CEP104: variants seen among roughly 807,000 people sequenced by gnomAD.
CEP104 encodes the protein centrosomal protein 104.
In CEP104, 84 loss-of-function variants were observed where a neutral mutation model predicts 113.3. The ratio of observed to expected loss-of-function variants is 0.74; its 90% confidence interval spans 0.62 to 0.89. The LOEUF is 0.89. Ranked by LOEUF, CEP104 falls within the 40% of genes least tolerant of loss-of-function variation. The pLI is 0.00. For synonymous variants in CEP104, 378 were observed against 421.7 expected (o/e 0.90, Z 1.27); for missense variants, 1,053 against 1,156.6 (o/e 0.91, Z 1.30).
chr1:3,824,624 G>A (rs551917445), intron 18 of CEP104, among the ~76,000 whole-genome samples: 23 of 152,310 alleles, frequency 1.5e-4, no homozygotes, highest in African/African-American at 4.1e-4. Context: ...TATAAAGAAC[G>A]GCCCCAAATC....
At chr1:3,839,499 T>C (rs1436759075) in intron 7 of CEP104, 109 bp downstream of exon 7, 1 of 1,034,694 alleles carries the variant, frequency 9.7e-7, no homozygotes, top group African/African-American at 1.6e-5. Flanking sequence ...GAACTCACAC[T>C]AACTTCACGG....
chr1:3,823,192 G>A lies in CEP104; in HGVS notation c.2553C>T (p.Asn851=). 1 of 1,614,198 alleles carries A rather than the reference G, an allele frequency of 6.2e-7. No individual in the cohort carries two copies. Among genetic ancestry groups the A allele is most frequent in the African/African-American group, 1.3e-5 (1 of 75,052 alleles). Residue 851 remains asparagine, a synonymous_variant, in exon 20 of 22, where the codon AAC becomes AAT. Transcript: ENST00000378230. This position sits in a 1 kb window ranked among gnomAD's most constrained non-coding sequence, Gnocchi z 4.1. Reference sequence around the variant, plus strand: ...CCCTCACCTCTTCTCCAGGGCTGAAGTTCTCATGACACAGGGGACACCGGT... The same window carrying A: ...CCCTCACCTCTTCTCCAGGGCTGAAATTCTCATGACACAGGGGACACCGGT... ...LANRCPLCHE[N]FSPGEEAWKA...
At chr1:3,825,719 G>T (rs1371176554) in intron 18 of CEP104, 39 bp downstream of exon 18, 3 of 1,311,118 alleles carry the variant, frequency 2.3e-6, no homozygotes, top group Non-Finnish European at 3.3e-6. Context: ...AGGTGTTCCC[G>T]CTCATGCAAG....
rs1054317013 is a variant in CEP104 at position 3,831,122 on chromosome 1, T to C, written c.1760A>G (p.Gln587Arg). The C allele has an allele frequency of 5.6e-6, 9 of 1,614,148 alleles. No individual in the cohort carries two copies. In the African/African-American group the frequency reaches 1.1e-4, roughly 19 times the overall value. ...ANSSVHLAMSQMGLLARLLKD... is the reference protein window; with the variant it reads ...ANSSVHLAMSRMGLLARLLKD... The stretch of plus-strand genomic sequence containing the variant: ...CAGCAGCCGGGCCAGGAGGCCCATC[T>C]GACTCATTGCCAGGTGAACTGAAGA... Residue 587 changes from glutamine (Q) to arginine (R), a missense_variant, in exon 13 of 22, where the codon CAG becomes CGG. Coordinates refer to ENST00000378230, the MANE Select transcript of CEP104 (RefSeq NM_014704.4).
At chr1:3,824,137 A>C (rs1441938632) in intron 18 of CEP104, among the ~76,000 whole-genome samples, 1 of 152,180 alleles carries the variant, frequency 6.6e-6, no homozygotes, top group Non-Finnish European at 1.5e-5. Flanking sequence ...CCCAGGCTGG[A>C]GTGCCATGGT....
intron 13 of CEP104, 72 bp from the exon 14 acceptor site, chr1:3,830,069 A>C: frequency 9.5e-7 from 1 of 1,053,428 alleles, no homozygotes; most frequent in South Asian, 1.3e-5. Context: ...CAAAAAAGGT[A>C]CATTATAAAC....
chr1:3,827,969 G>GC (rs1644125083), intron 15 of CEP104, among the ~76,000 whole-genome samples: 1 of 152,222 alleles, frequency 6.6e-6, no homozygotes, highest in Non-Finnish European at 1.5e-5. Context: ...AGCAAGAGCT[G>GC]CAGGCTCTCA....
At chr1:3,821,280 C>A (rs1643967741) in intron 20 of CEP104, among the ~76,000 whole-genome samples, 1 of 152,348 alleles carries the variant, frequency 6.6e-6, no homozygotes, top group South Asian at 2.1e-4. Flanking sequence ...TGGGATAATT[C>A]ACGCATCACT....
chr1:3,847,605 G>C lies in CEP104; in HGVS notation c.296C>G (p.Ser99Cys). 13 of 1,614,084 alleles carry C rather than the reference G, an allele frequency of 8.1e-6. No individual in the cohort carries two copies. The highest frequency in any genetic ancestry group is 1.0e-5 in the Non-Finnish European group (12 of 1,180,002). Residue 99 changes from serine (S) to cysteine (C), a missense_variant, in exon 4 of 22, where the codon TCT becomes TGT. By Grantham distance (112) the Ser-to-Cys change is moderately radical (BLOSUM62 -1). Coordinates refer to ENST00000378230, the MANE Select transcript of CEP104 (RefSeq NM_014704.4). ...ACCTGTCTTTTCATTATCACAGAGA[G>C]ACACGTAGCTGAAAAACAAAACACA... ...AERFRRLGYV[S>C]LCDNEKTGCK...
Position 3,843,349 on chromosome 1 carries a change from G to A in CEP104, c.566+1558C>T, listed in dbSNP as rs545265820. On this transcript the variant is annotated intron_variant, in intron 6 of 21. Transcript: ENST00000378230. ...CTAAAAAAAAAAAAAAAGAGGAAGC[G>A]GCAACAGCAGCAGAAAAATATGTAT... is the stretch of plus-strand genomic sequence containing the variant. 801 of 526,434 alleles carry A rather than the reference G, an allele frequency of 1.5e-3. 1 individual carries two copies. The highest frequency in any genetic ancestry group is 0.015 in the African/African-American group (730 of 49,174). 32.6% of individuals were successfully genotyped at this position (526,434 alleles called of 1,614,324 possible).
In CEP104 at chr1:3,831,034, A is replaced by G; in HGVS notation, c.1836+12T>C. 6.2e-7 allele frequency: 1 copy of G among 1,610,274 alleles called. No individual in the cohort carries two copies. Among genetic ancestry groups the G allele is most frequent in the South Asian group, 1.1e-5 (1 of 90,976 alleles). On this transcript the variant is annotated intron_variant, in intron 13 of 21. Coordinates refer to ENST00000378230, the MANE Select transcript of CEP104 (RefSeq NM_014704.4). The stretch of plus-strand genomic sequence containing the variant: ...TGGGCCGCGTGGTGTGTCACACGCG[A>G]GGTCTGCTTACCTTCATCACGTTGT...
In CEP104 at chr1:3,839,683, T is replaced by C. The variant is rs779644137; in HGVS notation, c.660A>G (p.Arg220=). The C allele has an allele frequency of 6.2e-7, 1 of 1,614,218 alleles. No homozygotes were observed. The highest frequency in any genetic ancestry group is 2.2e-5 in the East Asian group (1 of 44,882). ...VAQIIRKLDE[R]KREAVQKERY... ...GTTCCTTTTGGACAGCTTCCCGTTT[T>C]CTTTCATCTAATTTTCGTATGATCT... The change falls in exon 7 of 22, where the codon AGA becomes AGG. Residue 220 remains arginine, a synonymous_variant. Transcript: ENST00000378230.
chr1:3,824,587 G>A (rs943301910), intron 18 of CEP104, among the ~76,000 whole-genome samples: 1 of 152,208 alleles, frequency 6.6e-6, no homozygotes, highest in Non-Finnish European at 1.5e-5. Context: ...CAATTCATGC[G>A]ACTGACCAAC....
At chr1:3,834,829 C>T in intron 11 of CEP104, 96 bp downstream of exon 11, 1 of 1,163,956 alleles carries the variant, frequency 8.6e-7, no homozygotes, top group Non-Finnish European at 1.2e-6. Flanking sequence ...ACGTCAATGA[C>T]CAACTGGTCC....
In CEP104 at chr1:3,834,937, G is replaced by A. The variant is rs748424047; in HGVS notation, c.1473C>T (p.Asp491=). 2.3e-4 allele frequency: 364 copies of A among 1,592,592 alleles called. No individual in the cohort carries two copies. In the Middle Eastern group the frequency reaches 7.6e-3, roughly 33 times the overall value. ...TGAGGGCACTCACGGAGGTCACAAT[G>A]TCCTTTATGGCTCTTCTAACGAGAA... ...SVFLVRRAIK[D]IVTSVFQASL... The change falls in exon 11 of 22, where the codon GAC becomes GAT. Residue 491 remains aspartate (D), a synonymous_variant. Transcript: ENST00000378230.
chr1:3,823,648 C>T lies in CEP104; in HGVS notation c.2365-86G>A, dbSNP rs1644025992. The stretch of plus-strand genomic sequence containing the variant: ...GCCTGCAGAGCCTGTGAGCGCCTCC[C>T]CTGCCCAGGGAGGTCTGTGCCGCCT... On this transcript the variant is annotated intron_variant, in intron 18 of 21. Coordinates refer to ENST00000378230, the MANE Select transcript of CEP104 (RefSeq NM_014704.4). The surrounding 1 kb of genome is among the most constrained non-coding windows in gnomAD (Gnocchi z 4.1). 7 of 1,560,350 alleles carry T rather than the reference C, an allele frequency of 4.5e-6. No homozygotes were observed. The Admixed American group carries it at 1.0e-4, about 23-fold the overall frequency.
Position 3,831,054 on chromosome 1 carries a change from C to T in CEP104, c.1828G>A (p.Val610Met), listed in dbSNP as rs983596324. 3.1e-6 allele frequency: 5 copies of T among 1,613,332 alleles called. No individual in the cohort carries two copies. The highest frequency in any genetic ancestry group is 2.7e-5 in the African/African-American group (2 of 74,926). ...TGSSGFTIDN[V>M]MKFSVSALEH... is the part of the protein sequence containing the mutation. Reference sequence around the variant, plus strand: ...ACGCGAGGTCTGCTTACCTTCATCACGTTGTCAATGGTGAAGCCCGAGCTG... The same window carrying T: ...ACGCGAGGTCTGCTTACCTTCATCATGTTGTCAATGGTGAAGCCCGAGCTG... The change falls in exon 13 of 22, where the codon GTG becomes ATG. Residue 610 changes from valine (V) to methionine (M), a missense_variant. Physicochemically the swap from Val to Met is conservative, Grantham distance 21. Coordinates refer to ENST00000378230, the MANE Select transcript of CEP104 (RefSeq NM_014704.4).
In CEP104 at chr1:3,812,206, T is replaced by G. The variant is rs1643808499; in HGVS notation, c.*3196A>C. The G allele has an allele frequency of 6.6e-6, 1 of 152,108 alleles. No homozygotes were observed. Among genetic ancestry groups the G allele is most frequent in the South Asian group, 2.1e-4 (1 of 4,826 alleles). 9.4% of individuals were successfully genotyped at this position (152,108 alleles called of 1,614,324 possible). A position where few individuals can be genotyped will look rare whatever the true frequency, so the allele number is the denominator to read the frequency against. Reference sequence around the variant, plus strand: ...TTCTGGTACTTGAAATAAAGACAAATAGAAAACTATGTTAAAATATTAAAA... The same window carrying G: ...TTCTGGTACTTGAAATAAAGACAAAGAGAAAACTATGTTAAAATATTAAAA... On this transcript the variant is annotated 3_prime_UTR_variant, in exon 22 of 22. Transcript: ENST00000378230.
At chr1:3,837,554 CCA>C in intron 8 of CEP104, 35 bp from the exon 9 acceptor site, 1 of 1,541,864 alleles carries the variant, frequency 6.5e-7, no homozygotes, top group Non-Finnish European at 9.0e-7. Flanking sequence ...ATTTCAAATG[CCA>C]CTGCCACGCC....
Sources: allele counts gnomAD v4.1 joint callset (sites outside exome capture counted in the v4.1 genomes callset), GRCh38; gene constraint gnomAD v4.1.1; non-coding constraint Gnocchi (gnomAD v3.1); transcripts MANE v1.5; gene names NCBI Gene and HGNC (gene_info 2026-07-23, HGNC 2026-07-21).